The following PRKN variants were observed in gnomAD, a reference collection of about 807,000 sequenced individuals.
The protein encoded by PRKN is parkin RBR E3 ubiquitin protein ligase, also known as E3 ubiquitin-protein ligase parkin.
Under a neutral mutation model 59.5 loss-of-function variants are expected in PRKN, and 56 were observed. The observed-to-expected ratio is 0.94, with a 90% CI of 0.76 to 1.18. The LOEUF is 1.18. Among genes scored for constraint, PRKN ranks in the 50% most tolerant of loss-of-function variants. The probability of loss-of-function intolerance (pLI) is 0.00; values close to 1 mark genes in which losing one functional copy is unlikely to be tolerated. For synonymous variants in PRKN, 250 were observed against 222.1 expected (o/e 1.13, Z -1.12); for missense variants, 657 against 596.4 (o/e 1.10, Z -1.06).
Position 162,472,481 on chromosome 6 carries a change from TA to T in PRKN, c.8-29009del, listed in dbSNP as rs1562790194. ...ACTTTTATTTTATTTTATTTTATTT[TA>T]TTTTATTTTATTTTTTGAGACGGAG... On this transcript the variant is annotated intron_variant, in intron 1 of 11. Coordinates refer to ENST00000366898, the MANE Select transcript of PRKN (RefSeq NM_004562.3). 2.8e-3 allele frequency among the ~76,000 whole-genome samples: 244 copies of T among 86,096 alleles called. 21 individuals carry two copies. Among genetic ancestry groups the T allele is most frequent in the African/African-American group, 8.5e-3 (219 of 25,754 alleles). 56.5% of individuals were successfully genotyped at this position (86,096 alleles called of 152,430 possible).
chr6:161,469,412 T>C (rs1790658483), intron 9 of PRKN, among the ~76,000 whole-genome samples: 1 of 152,088 alleles, frequency 6.6e-6, no homozygotes, highest in African/African-American at 2.4e-5. Context: ...AATTACTCAG[T>C]TTCAGGTATT....
At chr6:162,011,238 T>A (rs188131472) in intron 5 of PRKN, among the ~76,000 whole-genome samples, 115 of 1,926 alleles carry the variant, frequency 0.06, no homozygotes, top group Non-Finnish European at 0.095. Context: ...AATATATAAT[T>A]TATAATATAT....
chr6:162,051,348 T>C (rs4576222), intron 5 of PRKN, among the ~76,000 whole-genome samples: 134,310 of 152,080 alleles, frequency 0.88, 59,481 homozygotes, highest in African/African-American at 0.95. Context: ...CCGGTGAGTG[T>C]AATGTGTGAA....
chr6:162,647,189 T>C (rs1453329711), intron 1 of PRKN, among the ~76,000 whole-genome samples: 3 of 151,742 alleles, frequency 2.0e-5, no homozygotes, highest in Admixed American at 2.0e-4. Flanking sequence ...AATAATGTAA[T>C]ATAATATAAA....
intron 1 of PRKN, among the ~76,000 whole-genome samples, chr6:162,458,073 G>A (rs1338500636): frequency 2.0e-5 from 3 of 151,406 alleles, no homozygotes; most frequent in Non-Finnish European, 2.9e-5. Context: ...GGCCAACACG[G>A]TTAAACCCAG....
rs553999879 is a variant in PRKN at position 162,232,652 on chromosome 6, G to A, written c.412+29873C>T. Among the ~76,000 whole-genome samples, 3 of 152,210 alleles carry A rather than the reference G, an allele frequency of 2.0e-5. No individual in the cohort carries two copies. In the South Asian group the frequency reaches 6.2e-4, roughly 32 times the overall value. On this transcript the variant is annotated intron_variant, in intron 3 of 11. Coordinates refer to ENST00000366898, the MANE Select transcript of PRKN (RefSeq NM_004562.3). The stretch of plus-strand genomic sequence containing the variant: ...TTTTAATATTAGCAAAAGGCTTTGT[G>A]TGATTTTTTCTTCTCTCTGCTGTGA...
chr6:162,265,924 T>G (rs530160852), intron 2 of PRKN, among the ~76,000 whole-genome samples: 1 of 152,202 alleles, frequency 6.6e-6, no homozygotes, highest in African/African-American at 2.4e-5. Flanking sequence ...CAGTCCTCTA[T>G]TTTCCATTCT....
chr6:162,629,516 A>G (rs961761018), intron 1 of PRKN, among the ~76,000 whole-genome samples: 1 of 152,136 alleles, frequency 6.6e-6, no homozygotes, highest in Non-Finnish European at 1.5e-5. Flanking sequence ...TACACAACAT[A>G]TATATATTTA....
At chr6:162,103,551 T>C (rs1357509940) in intron 4 of PRKN, among the ~76,000 whole-genome samples, 3 of 151,662 alleles carry the variant, frequency 2.0e-5, no homozygotes, top group Non-Finnish European at 4.4e-5. Context: ...TCTAACTTGA[T>C]AAGGGCAATA....
At chr6:162,426,354 G>T (rs1021911106) in intron 2 of PRKN, among the ~76,000 whole-genome samples, 10 of 152,190 alleles carry the variant, frequency 6.6e-5, no homozygotes, top group Non-Finnish European at 1.3e-4. Flanking sequence ...TACACAACAG[G>T]TGATCCCTGT....
chr6:162,637,851 T>A (rs1012324479), intron 1 of PRKN, among the ~76,000 whole-genome samples: 2 of 152,156 alleles, frequency 1.3e-5, no homozygotes, highest in African/African-American at 2.4e-5. Context: ...GATACTGATT[T>A]TCATGCATTC....
At chr6:162,620,627 C>G (rs2128220728) in intron 1 of PRKN, among the ~76,000 whole-genome samples, 1 of 152,268 alleles carries the variant, frequency 6.6e-6, no homozygotes, top group South Asian at 2.1e-4. Flanking sequence ...TTCAGTTTTC[C>G]CTTTAATTTA....
At chr6:162,511,980 G>A (rs1037011581) in intron 1 of PRKN, among the ~76,000 whole-genome samples, 1 of 152,102 alleles carries the variant, frequency 6.6e-6, no homozygotes, top group Admixed American at 6.6e-5. Context: ...AGAGTTATTT[G>A]AAGCACAACA....
rs1054242084 is a variant in PRKN, at chr6:161,921,413, A to G, written c.734+51889T>C. 3.3e-5 allele frequency among the ~76,000 whole-genome samples: 5 copies of G among 152,246 alleles called. No individual in the cohort carries two copies. The East Asian group carries it at 9.6e-4, about 29-fold the overall frequency. ...AGTATACTCTAAAATAGCAATAAAA[A>G]GTATACAATATACATAAACCAGTAA... On this transcript the variant is annotated intron_variant, in intron 6 of 11. Coordinates refer to ENST00000366898, the MANE Select transcript of PRKN (RefSeq NM_004562.3).
intron 2 of PRKN, among the ~76,000 whole-genome samples, chr6:162,431,212 C>G (rs916445439): frequency 1.7e-5 from 2 of 119,904 alleles, no homozygotes; most frequent in Non-Finnish European, 3.4e-5. Context: ...ACTTGGTTGC[C>G]TTGTGGAGAA....
At chr6:162,398,521 G>T (rs1787599500) in intron 2 of PRKN, among the ~76,000 whole-genome samples, 1 of 152,018 alleles carries the variant, frequency 6.6e-6, no homozygotes, top group African/African-American at 2.4e-5. Flanking sequence ...CTCCCAAGTA[G>T]CTGGGATTAC....
At chr6:161,965,280 CAAT>C (rs1240765304) in intron 6 of PRKN, among the ~76,000 whole-genome samples, 4 of 152,104 alleles carry the variant, frequency 2.6e-5, no homozygotes, top group East Asian at 1.9e-4. Context: ...TATCAAACAA[CAAT>C]GACATCAAAA....
chr6:161,486,649 A>C (rs1791659628), intron 9 of PRKN, among the ~76,000 whole-genome samples: 1 of 152,234 alleles, frequency 6.6e-6, no homozygotes, highest in Non-Finnish European at 1.5e-5. Context: ...TTATCAGAGC[A>C]AAAAGCAAAA....
chr6:162,671,482 A>G (rs1330414347), intron 1 of PRKN, among the ~76,000 whole-genome samples: 1 of 142,988 alleles, frequency 7.0e-6, no homozygotes, highest in African/African-American at 2.6e-5. Context: ...CTGGCAATAG[A>G]GCGAGACTCT....
Sources: gnomAD v4.1 joint callset for allele counts (sites outside exome capture counted in the v4.1 genomes callset) on GRCh38, gnomAD v4.1.1 for gene constraint, MANE v1.5 for transcripts, NCBI Gene and HGNC (gene_info 2026-07-23, HGNC 2026-07-21) for gene names.